The following MEF2C variants were observed in gnomAD, a reference collection of about 807,000 sequenced individuals.
The protein encoded by MEF2C is myocyte enhancer factor 2C.
Under a neutral mutation model 50.5 loss-of-function variants are expected in MEF2C, and 6 were observed. The ratio of observed to expected loss-of-function variants is 0.12; its 90% CI spans 0.07 to 0.23. The LOEUF (loss-of-function observed/expected upper bound fraction) is 0.23. Among genes scored for constraint, MEF2C ranks in the 10% least tolerant of loss-of-function variants. MEF2C has a pLI of 1.00. For synonymous variants in MEF2C, 183 were observed against 228.0 expected, an observed-to-expected ratio of 0.80 and a Z score of 1.78; for missense variants, 276 against 605.0, an observed-to-expected ratio of 0.46 and a Z score of 5.70.
chr5:88,818,265 ACCC>A (rs888392566), intron 2 of MEF2C, among the ~76,000 whole-genome samples: 3 of 151,868 alleles, frequency 2.0e-5, no homozygotes, highest in African/African-American at 7.2e-5. Flanking sequence ...TGAAACAAGC[ACCC>A]CCAAAACCAT....
At chr5:88,803,770 A>G (rs1430130576) in intron 3 of MEF2C, among the ~76,000 whole-genome samples, 1 of 152,176 alleles carries the variant, frequency 6.6e-6, no homozygotes, top group African/African-American at 2.4e-5. Context: ...CACAATGTGC[A>G]CATGTACCCT....
chr5:88,783,044 T>G (rs1335462363), intron 3 of MEF2C, among the ~76,000 whole-genome samples: 1 of 152,198 alleles, frequency 6.6e-6, no homozygotes, highest in Non-Finnish European at 1.5e-5. Context: ...TTTGCCCACG[T>G]TTTTCATCAA....
chr5:88,851,396 G>T (rs1044427361), intron 1 of MEF2C, among the ~76,000 whole-genome samples: 18 of 152,062 alleles, frequency 1.2e-4, no homozygotes, highest in African/African-American at 4.3e-4. Context: ...TCAACTGCAT[G>T]GGGGGTCAGT....
At chr5:88,751,801 G>A in intron 5 of MEF2C, 56 bp downstream of exon 5, 1 of 1,558,900 alleles carries the variant, frequency 6.4e-7, no homozygotes. Flanking sequence ...TGTTGGCTTT[G>A]CCGAAAATGG....
chr5:88,760,038 C>CA (rs1457984487), intron 4 of MEF2C, among the ~76,000 whole-genome samples: 1 of 152,130 alleles, frequency 6.6e-6, no homozygotes, highest in South Asian at 2.1e-4. Context: ...TGCTAACTTA[C>CA]AAAAAATGAA....
intron 1 of MEF2C, among the ~76,000 whole-genome samples, chr5:88,893,198 T>C (rs1462874186): frequency 1.1e-4 from 17 of 152,158 alleles, no homozygotes; most frequent in Admixed American, 1.1e-3. Flanking sequence ...ACGCTAACAC[T>C]AGTTATTAAG....
intron 2 of MEF2C, among the ~76,000 whole-genome samples, chr5:88,821,719 T>G (rs1808466386): frequency 2.0e-5 from 3 of 151,478 alleles, no homozygotes; most frequent in Non-Finnish European, 4.4e-5. Flanking sequence ...TTGAACTCAC[T>G]GAGATAGAGA....
rs1755444035 is a variant in MEF2C, at chr5:88,719,121, C to T, written c.*3483G>A. 6.6e-6 allele frequency: 1 copy of T among 152,142 alleles called. No individual in the cohort carries two copies. Among genetic ancestry groups the T allele is most frequent in the South Asian group, 2.1e-4 (1 of 4,826 alleles). 9.4% of individuals were successfully genotyped at this position (152,142 alleles called of 1,614,324 possible). A position where few individuals can be genotyped will look rare whatever the true frequency, so the allele number is the denominator to read the frequency against. On this transcript the variant is annotated 3_prime_UTR_variant, in exon 11 of 11. Coordinates refer to ENST00000504921, the MANE Select transcript of MEF2C (RefSeq NM_002397.5). ...ATAAAGAGGGCAAAAAATGCTATCTCTAAGTTAAAAGATGGGTATGTAAGA... is the reference window on the plus strand; with the variant it reads ...ATAAAGAGGGCAAAAAATGCTATCTTTAAGTTAAAAGATGGGTATGTAAGA...
intron 1 of MEF2C, among the ~76,000 whole-genome samples, chr5:88,851,190 G>A (rs567229351): frequency 1.4e-4 from 19 of 136,432 alleles, no homozygotes; most frequent in Non-Finnish European, 2.4e-4. Context: ...CCGAGATCGC[G>A]CAACTGCACT....
chr5:88,797,095 T>C (rs2153010540), intron 3 of MEF2C, among the ~76,000 whole-genome samples: 1 of 152,066 alleles, frequency 6.6e-6, no homozygotes, highest in East Asian at 1.9e-4. Context: ...AATGCTGAAG[T>C]CCAACGTTGA....
At chr5:88,770,167 T>C (rs1781746630) in intron 3 of MEF2C, among the ~76,000 whole-genome samples, 1 of 152,228 alleles carries the variant, frequency 6.6e-6, no homozygotes, top group Admixed American at 6.5e-5. Flanking sequence ...TGTATAATAA[T>C]TGTAACTTCA....
At chr5:88,824,432 T>C in intron 1 of MEF2C, 2 of 806,746 alleles carry the variant, frequency 2.5e-6, no homozygotes, top group Non-Finnish European at 3.0e-6. Flanking sequence ...AAGTGCTATT[T>C]GATATATGTA....
At chr5:88,734,786 T>C (rs1432757327) in intron 6 of MEF2C, 2 of 980,774 alleles carry the variant, frequency 2.0e-6, no homozygotes, top group African/African-American at 1.7e-5. Context: ...TCTCTTGGAA[T>C]ATTTCCTGTT....
At chr5:88,725,832 A>G (rs1018291242) in intron 10 of MEF2C, among the ~76,000 whole-genome samples, 10 of 152,164 alleles carry the variant, frequency 6.6e-5, no homozygotes, top group African/African-American at 2.2e-4. Flanking sequence ...TGTACTGAAC[A>G]CCCACATCAA....
chr5:88,824,459 A>T, intron 1 of MEF2C: 1 of 587,362 alleles, frequency 1.7e-6, no homozygotes, highest in Non-Finnish European at 2.1e-6. Context: ...AACTAATTTA[A>T]ATCTAAATCC....
intron 6 of MEF2C, chr5:88,735,473 T>G: frequency 1.0e-6 from 1 of 985,286 alleles, no homozygotes; most frequent in Non-Finnish European, 1.2e-6. Flanking sequence ...GTGAATGGAT[T>G]TCCTGATTAT....
At chr5:88,852,422 C>T (rs1266290881) in intron 1 of MEF2C, among the ~76,000 whole-genome samples, 2 of 152,084 alleles carry the variant, frequency 1.3e-5, no homozygotes, top group Non-Finnish European at 2.9e-5. Context: ...GAGTAGTGGT[C>T]TCTCTATTTA....
At chr5:88,866,962 T>C (rs1261249190) in intron 1 of MEF2C, among the ~76,000 whole-genome samples, 1 of 152,166 alleles carries the variant, frequency 6.6e-6, no homozygotes, top group Non-Finnish European at 1.5e-5. Flanking sequence ...TTAAAACAGC[T>C]CAAGAAATGA....
chr5:88,820,310 T>C (rs1316644168), intron 2 of MEF2C, among the ~76,000 whole-genome samples: 1 of 152,010 alleles, frequency 6.6e-6, no homozygotes, highest in Non-Finnish European at 1.5e-5. Context: ...TAAACTATTT[T>C]ACGTATTGAT....
Sources: gnomAD v4.1 joint callset for allele counts (sites outside exome capture counted in the v4.1 genomes callset) on GRCh38, gnomAD v4.1.1 for gene constraint, MANE v1.5 for transcripts, NCBI Gene and HGNC (gene_info 2026-07-23, HGNC 2026-07-21) for gene names.